The following PHTF2 variants were observed in gnomAD, a reference collection of about 807,000 sequenced individuals.
PHTF2 encodes protein PHTF2.
Under a neutral mutation model 101.2 loss-of-function variants are expected in PHTF2, and 60 were observed. The observed-to-expected ratio is 0.59, with a 90% CI of 0.48 to 0.73. PHTF2 has a LOEUF of 0.73. Ranked by LOEUF, PHTF2 falls within the 30% of genes least tolerant of loss-of-function variation. The pLI, the probability that PHTF2 is intolerant of heterozygous loss-of-function variation, is 0.00. For synonymous variants in PHTF2, 311 were observed against 307.3 expected, an observed-to-expected ratio of 1.01 and a Z score of -0.13; for missense variants, 747 against 908.7, an observed-to-expected ratio of 0.82 and a Z score of 2.29.
chr7:77,942,861 A>C (rs986561533), intron 16 of PHTF2, 75 bp downstream of exon 15: 10 of 750,362 alleles, frequency 1.3e-5, no homozygotes, highest in Middle Eastern at 3.1e-4. Flanking sequence ...ATAATCAAAT[A>C]ATAATATAAG....
chr7:77,812,508 G>C (rs566036418), intron 1 of PHTF2, among the ~76,000 whole-genome samples: 2 of 152,140 alleles, frequency 1.3e-5, no homozygotes, highest in East Asian at 3.9e-4. Context: ...TTAGTCAGTA[G>C]TATGCTTCAC....
chr7:77,878,161 T>C (rs1250530818), intron 3 of PHTF2, among the ~76,000 whole-genome samples: 1 of 152,132 alleles, frequency 6.6e-6, no homozygotes, highest in Non-Finnish European at 1.5e-5. Flanking sequence ...AGAGAGGTTA[T>C]TATTATTCAA....
chr7:77,800,188 G>A (rs1349288912), intron 1 of PHTF2, among the ~76,000 whole-genome samples: 1 of 152,140 alleles, frequency 6.6e-6, no homozygotes, highest in African/African-American at 2.4e-5. Flanking sequence ...ATAACAATTT[G>A]AAATCCTAAC....
chr7:77,870,202 A>G (rs1330657110), intron 3 of PHTF2, among the ~76,000 whole-genome samples: 1 of 148,182 alleles, frequency 6.7e-6, no homozygotes, highest in East Asian at 2.0e-4. Context: ...TTCTTCTAGT[A>G]GTTTTATAGT....
chr7:77,816,535 G>A (rs1442738331), intron 1 of PHTF2, among the ~76,000 whole-genome samples: 2 of 152,206 alleles, frequency 1.3e-5, no homozygotes, highest in Admixed American at 1.3e-4. Context: ...TTCAGTACAT[G>A]TAATGTATAG....
At chr7:77,817,831 C>G (rs940706066) in intron 1 of PHTF2, among the ~76,000 whole-genome samples, 2 of 151,968 alleles carry the variant, frequency 1.3e-5, no homozygotes, top group Non-Finnish European at 2.9e-5. Context: ...AGTTCCGGGC[C>G]GGGTGCGGTG....
intron 16 of PHTF2, 76 bp from the exon 16 acceptor site, chr7:77,949,602 A>T: frequency 1.4e-6 from 1 of 727,650 alleles, no homozygotes; most frequent in Non-Finnish European, 2.2e-6. Flanking sequence ...TTTATGAACA[A>T]TCTATGTTTA....
At chr7:77,955,884 G>T (rs927162653) in exon 20 of PHTF2, 2 of 152,260 alleles carry the variant, frequency 1.3e-5, no homozygotes, top group Non-Finnish European at 2.9e-5. Context: ...CAAATTTTCA[G>T]AAAAGACAGC....
chr7:77,890,022 G>GCCCC (rs59593439), intron 3 of PHTF2, among the ~76,000 whole-genome samples: 5 of 146,110 alleles, frequency 3.4e-5, no homozygotes, highest in South Asian at 2.2e-4. Flanking sequence ...ATTAAGACGC[G>GCCCC]CCCCCCCCCA....
At chr7:77,942,067 G>A (rs1160518657) in intron 15 of PHTF2, among the ~76,000 whole-genome samples, 1 of 152,068 alleles carries the variant, frequency 6.6e-6, no homozygotes, top group Non-Finnish European at 1.5e-5. Context: ...CCTGCTTTAT[G>A]TTCTTGCACA....
At chr7:77,871,776 A>C (rs1391639134) in intron 3 of PHTF2, among the ~76,000 whole-genome samples, 4 of 152,208 alleles carry the variant, frequency 2.6e-5, no homozygotes, top group African/African-American at 9.6e-5. Flanking sequence ...TGGTAAGACC[A>C]GTGAATTCCA....
intron 1 of PHTF2, among the ~76,000 whole-genome samples, chr7:77,809,104 T>C (rs1050694823): frequency 6.6e-6 from 1 of 152,284 alleles, no homozygotes; most frequent in Admixed American, 6.5e-5. Flanking sequence ...CAGAGTAGAC[T>C]ATAGGTTTGA....
chr7:77,891,311 A>G (rs991697070), intron 3 of PHTF2, among the ~76,000 whole-genome samples: 1 of 152,178 alleles, frequency 6.6e-6, no homozygotes, highest in Non-Finnish European at 1.5e-5. Flanking sequence ...ATTCATGTGG[A>G]ATCTATGTTC....
intron 2 of PHTF2, among the ~76,000 whole-genome samples, chr7:77,849,773 T>A (rs1289413654): frequency 6.6e-6 from 1 of 152,244 alleles, no homozygotes; most frequent in Non-Finnish European, 1.5e-5. Context: ...GCAGCTATTG[T>A]AAATGGGATT....
chr7:77,802,734 G>T (rs1490405219), intron 1 of PHTF2, among the ~76,000 whole-genome samples: 1 of 152,102 alleles, frequency 6.6e-6, no homozygotes, highest in African/African-American at 2.4e-5. Context: ...TACATACAGG[G>T]TCTTGCTATG....
At chr7:77,850,863 A>G (rs1212026604) in intron 2 of PHTF2, among the ~76,000 whole-genome samples, 1 of 151,976 alleles carries the variant, frequency 6.6e-6, no homozygotes, top group Non-Finnish European at 1.5e-5. Context: ...TAGTGTTTTT[A>G]TTATGAAGGG....
At chr7:77,917,322 T>G (rs1447949449) in intron 9 of PHTF2, among the ~76,000 whole-genome samples, 1 of 152,192 alleles carries the variant, frequency 6.6e-6, no homozygotes, top group East Asian at 1.9e-4. Context: ...AATCAACTAT[T>G]GTTTCAAGAA....
At chr7:77,890,452 T>C (rs1172647575) in intron 3 of PHTF2, among the ~76,000 whole-genome samples, 1 of 152,174 alleles carries the variant, frequency 6.6e-6, no homozygotes, top group African/African-American at 2.4e-5. Flanking sequence ...GAAATAAAAA[T>C]AGTTACTTTG....
chr7:77,915,288 G>A (rs1021904551), intron 9 of PHTF2, among the ~76,000 whole-genome samples: 3 of 150,606 alleles, frequency 2.0e-5, no homozygotes, highest in East Asian at 1.9e-4. Context: ...GTGCAATCTC[G>A]GCTCACTGCA....
Sources: gnomAD v4.1 joint callset for allele counts (sites outside exome capture counted in the v4.1 genomes callset) on GRCh38, gnomAD v4.1.1 for gene constraint, MANE v1.5 for transcripts, NCBI Gene and HGNC (gene_info 2026-07-23, HGNC 2026-07-21) for gene names.